FBXW2: variants seen among roughly 807,000 people sequenced by gnomAD.
FBXW2 encodes the protein F-box and WD repeat domain containing 2.
Under a neutral mutation model 46.0 loss-of-function variants are expected in FBXW2, and 12 were observed. The ratio of observed to expected loss-of-function variants is 0.26; its 90% CI spans 0.17 to 0.42. The LOEUF is 0.42. Ranked by LOEUF, FBXW2 falls within the 10% of genes least tolerant of loss-of-function variation. The pLI, the probability that FBXW2 is intolerant of heterozygous loss-of-function variation, is 1.00. For missense variants in FBXW2, 360 were observed against 537.0 expected (o/e 0.67, Z 3.26); for synonymous variants, 203 against 209.6 (o/e 0.97, Z 0.27).
rs189553419 is a variant in FBXW2, at chr9:120,766,483, T to G, written c.1077-1636A>C. On this transcript the variant is annotated intron_variant, in intron 7 of 7. Coordinates refer to ENST00000608872, the MANE Select transcript of FBXW2 (RefSeq NM_012164.4). ...TAATTATTTTTATTTATTTATTTAT[T>G]GAGATGGAGTCTCGCTCTGTCACCA... 5.4e-3 allele frequency among the ~76,000 whole-genome samples: 822 copies of G among 152,330 alleles called. 3 individuals carry two copies. The highest frequency in any genetic ancestry group is 0.014 in the African/African-American group (593 of 41,568).
At chr9:120,766,075 T>C (rs150278327) in intron 7 of FBXW2, among the ~76,000 whole-genome samples, 500 of 152,186 alleles carry the variant, frequency 3.3e-3, no homozygotes, top group Non-Finnish European at 5.8e-3. Context: ...CTGTGACATA[T>C]GGTGGGGCTC....
chr9:120,776,399 A>G, intron 4 of FBXW2, 173 bp from the exon 5 acceptor site: 1 of 657,900 alleles, frequency 1.5e-6, no homozygotes, highest in Non-Finnish European at 2.5e-6. Flanking sequence ...AATTCTTACT[A>G]TTATAGCTTA....
intron 4 of FBXW2, among the ~76,000 whole-genome samples, chr9:120,777,750 CA>C (rs11333355): frequency 0.018 from 2,461 of 135,092 alleles, 81 homozygotes; most frequent in African/African-American, 0.066. Flanking sequence ...GAGAGAAGCT[CA>C]AATCTCAAGG....
Position 120,772,802 on chromosome 9 carries a change from G to A in FBXW2, c.858C>T (p.His286=), listed in dbSNP as rs903511490. ...LQKCKVKSLL[H]SPGDYILLSA... ...TTAAGAGGATGTAGTCTCCAGGACT[G>A]TGCAAGAGAGACTTGACTTTGCACT... Residue 286 remains histidine (H), a synonymous_variant, in exon 6 of 8, where the codon CAC becomes CAT. Transcript: ENST00000608872. 1.2e-6 allele frequency: 2 copies of A among 1,610,260 alleles called. No homozygotes were observed. Among genetic ancestry groups the A allele is most frequent in the Non-Finnish European group, 8.5e-7 (1 of 1,178,674 alleles).
chr9:120,777,671 G>A (rs2044525542), intron 4 of FBXW2, among the ~76,000 whole-genome samples: 1 of 152,006 alleles, frequency 6.6e-6, no homozygotes, highest in African/African-American at 2.4e-5. Flanking sequence ...AACACAAGAG[G>A]CTGGGAAATA....
intron 7 of FBXW2, among the ~76,000 whole-genome samples, chr9:120,770,157 ACG>A (rs975249047): frequency 5.3e-5 from 8 of 152,210 alleles, no homozygotes; most frequent in Admixed American, 3.3e-4. Flanking sequence ...CGGGTGGATC[ACG>A]AGGTCAGGAG....
At chr9:120,775,606 T>TA (rs926628051) in intron 5 of FBXW2, among the ~76,000 whole-genome samples, 2 of 152,168 alleles carry the variant, frequency 1.3e-5, no homozygotes, top group African/African-American at 4.8e-5. Flanking sequence ...TTGTTTTTTT[T>TA]AAAAAAGAAA....
chr9:120,785,444 A>C (rs2044700278), intron 3 of FBXW2, among the ~76,000 whole-genome samples: 1 of 152,238 alleles, frequency 6.6e-6, no homozygotes, highest in African/African-American at 2.4e-5. Flanking sequence ...CACAAGGAAA[A>C]TAAAGTGTGA....
rs1341593351 is a variant in FBXW2, at chr9:120,787,932, T to C, written c.327A>G (p.Ile109Met). Reference sequence around the variant, plus strand: ...GCAAAGCGTCCTGAACAGAATCATCTATCTGCCAGCCCAAATTTTTACATG... The same window carrying C: ...GCAAAGCGTCCTGAACAGAATCATCCATCTGCCAGCCCAAATTTTTACATG... ...QTACKNLGWQIDDSVQDALHW... is the reference protein window; with the variant it reads ...QTACKNLGWQMDDSVQDALHW... The change falls in exon 3 of 8, where the codon ATA becomes ATG. Residue 109 changes from isoleucine (I) to methionine (M), a missense_variant. By Grantham distance (10) the Ile-to-Met change is conservative. Coordinates refer to ENST00000608872, the MANE Select transcript of FBXW2 (RefSeq NM_012164.4). 6.2e-7 allele frequency: 1 copy of C among 1,614,136 alleles called. No homozygotes were observed. Among genetic ancestry groups the C allele is most frequent in the Non-Finnish European group, 8.5e-7 (1 of 1,180,058 alleles).
chr9:120,771,309 G>C (rs2131302505), intron 7 of FBXW2, 39 bp downstream of exon 7: 3 of 1,565,420 alleles, frequency 1.9e-6, no homozygotes, highest in Non-Finnish European at 2.6e-6. Flanking sequence ...ACTGCAGCAG[G>C]CTTTCAAAGG....
At position 120,759,610 on chromosome 9, in the gene FBXW2, A is replaced by C. The variant is rs2044166887; in HGVS notation, c.*4949T>G. On this transcript the variant is annotated 3_prime_UTR_variant, in exon 8 of 8. Coordinates refer to ENST00000608872, the MANE Select transcript of FBXW2 (RefSeq NM_012164.4). ...TCATCAAGTATACTAAGTCTAAATC[A>C]GTGAAATATGCCTGTTCACAATCTG... is the stretch of plus-strand genomic sequence containing the variant. 6.6e-6 allele frequency: 1 copy of C among 152,240 alleles called. No individual in the cohort carries two copies. Among genetic ancestry groups the C allele is most frequent in the South Asian group, 2.1e-4 (1 of 4,838 alleles). The allele number at this position is 152,240 out of a possible 1,614,324, so 9.4% of individuals were successfully genotyped here.
In FBXW2 at chr9:120,761,161, T is replaced by C. The variant is rs2044191580; in HGVS notation, c.*3398A>G. ...GTCAGGTTACAGTCAGATTTGGCAATGTGTATTACTTCAAATGATTGAGCT... is the reference window on the plus strand; with the variant it reads ...GTCAGGTTACAGTCAGATTTGGCAACGTGTATTACTTCAAATGATTGAGCT... On this transcript the variant is annotated 3_prime_UTR_variant, in exon 8 of 8. Coordinates refer to ENST00000608872, the MANE Select transcript of FBXW2 (RefSeq NM_012164.4). The C allele has an allele frequency of 6.6e-6, 1 of 152,222 alleles. No individual in the cohort carries two copies. The allele number at this position is 152,222 out of a possible 1,614,324, so 9.4% of individuals were successfully genotyped here. A position where few individuals can be genotyped will look rare whatever the true frequency, so the allele number is the denominator to read the frequency against.
chr9:120,786,466 G>A (rs1453172333), intron 3 of FBXW2, among the ~76,000 whole-genome samples: 2 of 152,178 alleles, frequency 1.3e-5, no homozygotes, highest in East Asian at 3.8e-4. Flanking sequence ...GGCCTCCCCA[G>A]CCATGTGGAA....
At position 120,771,318 on chromosome 9, in the gene FBXW2, G is replaced by A. The variant is rs778335260; in HGVS notation, c.1076+30C>T. Reference sequence around the variant, plus strand: ...TACTGAACTGCAGCAGGCTTTCAAAGGTAAAGCGTGAGGTCGAAGGAAACA... The same window carrying A: ...TACTGAACTGCAGCAGGCTTTCAAAAGTAAAGCGTGAGGTCGAAGGAAACA... On this transcript the variant is annotated intron_variant, in intron 7 of 7. Transcript: ENST00000608872. 4 of 1,582,572 alleles carry A rather than the reference G, an allele frequency of 2.5e-6. No homozygotes were observed. The South Asian group carries it at 3.5e-5, about 14-fold the overall frequency.
At position 120,781,544 on chromosome 9, in the gene FBXW2, AG is replaced by A. The variant is rs1172044298; in HGVS notation, c.491-3000del. ...GGCTATATCATGGAAAAAGGTTTGAAGGGGGGAAAACTAGAGGCAAGAAGGC... is the reference window on the plus strand; with the variant it reads ...GGCTATATCATGGAAAAAGGTTTGAAGGGGGAAAACTAGAGGCAAGAAGGC... On this transcript the variant is annotated intron_variant, in intron 3 of 7. Coordinates refer to ENST00000608872, the MANE Select transcript of FBXW2 (RefSeq NM_012164.4). Among the ~76,000 whole-genome samples, 3 of 151,876 alleles carry A rather than the reference AG, an allele frequency of 2.0e-5. No homozygotes were observed. In the East Asian group the frequency reaches 5.8e-4, roughly 29 times the overall value.
chr9:120,772,776 C>T lies in FBXW2; in HGVS notation c.884G>A (p.Ser295Asn). ...LHSPGDYILLSADKYEIKIWP... is the reference protein window; with the variant it reads ...LHSPGDYILLNADKYEIKIWP... ...CACCTTAATCTCATATTTGTCTGCA[C>T]TTAAGAGGATGTAGTCTCCAGGACT... Residue 295 changes from serine (S) to asparagine (N), a missense_variant, in exon 6 of 8, where the codon AGT becomes AAT. Transcript: ENST00000608872. The T allele has an allele frequency of 1.3e-6, 2 of 1,571,152 alleles. No individual in the cohort carries two copies. The highest frequency in any genetic ancestry group is 1.4e-5 in the African/African-American group (1 of 71,462).
At position 120,763,084 on chromosome 9, in the gene FBXW2, G is replaced by A. The variant is rs1261696045; in HGVS notation, c.*1475C>T. ...CCTTATTTCAAATTTTCTTTAATCAGTTGTAACGTTTTAAAAATCCAGGAT... is the reference window on the plus strand; with the variant it reads ...CCTTATTTCAAATTTTCTTTAATCAATTGTAACGTTTTAAAAATCCAGGAT... On this transcript the variant is annotated 3_prime_UTR_variant, in exon 8 of 8. Coordinates refer to ENST00000608872, the MANE Select transcript of FBXW2 (RefSeq NM_012164.4). 1 of 152,152 alleles carries A rather than the reference G, an allele frequency of 6.6e-6. No homozygotes were observed. Among genetic ancestry groups the A allele is most frequent in the Non-Finnish European group, 1.5e-5 (1 of 68,040 alleles). The allele number at this position is 152,152 out of a possible 1,614,324, so 9.4% of individuals were successfully genotyped here.
chr9:120,772,452 C>T (rs2044398564), intron 6 of FBXW2, among the ~76,000 whole-genome samples: 1 of 152,044 alleles, frequency 6.6e-6, no homozygotes, highest in South Asian at 2.1e-4. Flanking sequence ...AATATTGTGC[C>T]ACTGCACTCC....
In FBXW2 at chr9:120,763,010, G is replaced by A. The variant is rs2044219900; in HGVS notation, c.*1549C>T. ...TCACAAAATTACCTAACTTTAGAGA[G>A]GGAGGAGGACACAATCTGGCAACCC... On this transcript the variant is annotated 3_prime_UTR_variant, in exon 8 of 8. Transcript: ENST00000608872. The A allele has an allele frequency of 6.6e-6, 1 of 152,214 alleles. No homozygotes were observed. Among genetic ancestry groups the A allele is most frequent in the Admixed American group, 6.5e-5 (1 of 15,288 alleles). 9.4% of individuals were successfully genotyped at this position (152,214 alleles called of 1,614,324 possible). A position where few individuals can be genotyped will look rare whatever the true frequency, so the allele number is the denominator to read the frequency against.
Sources: allele counts gnomAD v4.1 joint callset (sites outside exome capture counted in the v4.1 genomes callset), GRCh38; gene constraint gnomAD v4.1.1; transcripts MANE v1.5; gene names NCBI Gene and HGNC (gene_info 2026-07-23, HGNC 2026-07-21).